C9orf153: variants seen among roughly 807,000 people sequenced by gnomAD.
C9orf153 encodes the protein uncharacterized protein C9orf153.
A neutral mutation model predicts 9.0 loss-of-function variants in C9orf153; 10 were observed. That is an observed-to-expected ratio of 1.11 (90% CI 0.69 to 1.89). The LOEUF (loss-of-function observed/expected upper bound fraction) is 1.89, where lower values mean the gene tolerates loss of function less well. Among genes scored for constraint, C9orf153 ranks in the 40% most tolerant of loss-of-function variants. C9orf153 has a pLI of 0.00. For missense variants in C9orf153, 108 were observed against 111.0 expected (o/e 0.97, Z 0.12); for synonymous variants, 35 against 37.3 (o/e 0.94, Z 0.23).
chr9:86,247,511 A>C (rs1279637303), intron 1 of C9orf153, among the ~76,000 whole-genome samples: 1 of 151,960 alleles, frequency 6.6e-6, no homozygotes, highest in African/African-American at 2.4e-5. Context: ...GCAAAAACCT[A>C]TCTCTACAAA....
intron 1 of C9orf153, among the ~76,000 whole-genome samples, chr9:86,248,676 C>G (rs918182971): frequency 6.6e-6 from 1 of 152,116 alleles, no homozygotes; most frequent in Non-Finnish European, 1.5e-5. Context: ...CCTGCTGGGC[C>G]TGGCACTCCC....
intron 3 of C9orf153, among the ~76,000 whole-genome samples, chr9:86,226,918 C>A (rs1240908520): frequency 6.6e-6 from 1 of 152,142 alleles, no homozygotes; most frequent in Non-Finnish European, 1.5e-5. Flanking sequence ...GCACCCACCA[C>A]CACGCCCAGC....
At chr9:86,235,616 G>A (rs753012253) in intron 1 of C9orf153, among the ~76,000 whole-genome samples, 16 of 151,444 alleles carry the variant, frequency 1.1e-4, no homozygotes, top group African/African-American at 1.5e-4. Flanking sequence ...TTAGCCAGGC[G>A]TGGAGGCATG....
intron 3 of C9orf153, among the ~76,000 whole-genome samples, chr9:86,222,610 C>T (rs1299879165): frequency 1.3e-5 from 2 of 152,070 alleles, no homozygotes; most frequent in Non-Finnish European, 2.9e-5. Flanking sequence ...GAGAAAGAAT[C>T]AAGCAAAGAC....
intron 2 of C9orf153, 43 bp downstream of exon 2, chr9:86,229,495 A>G: frequency 7.5e-7 from 1 of 1,330,502 alleles, no homozygotes; most frequent in Non-Finnish European, 1.1e-6. Context: ...CTTGAATGTA[A>G]AGCTCCCTGT....
intron 1 of C9orf153, among the ~76,000 whole-genome samples, chr9:86,250,653 G>A (rs1012927412): frequency 2.6e-5 from 4 of 151,972 alleles, no homozygotes; most frequent in African/African-American, 9.7e-5. Flanking sequence ...ATAATGTGTT[G>A]GACATTTTTG....
intron 1 of C9orf153, among the ~76,000 whole-genome samples, chr9:86,231,326 C>A (rs1177275753): frequency 6.6e-6 from 1 of 152,154 alleles, no homozygotes; most frequent in Non-Finnish European, 1.5e-5. Flanking sequence ...TAAAACTTCA[C>A]ATTCTTGGCT....
chr9:86,249,343 G>A lies in C9orf153; in HGVS notation c.-27+10207C>T, dbSNP rs537445907. ...TCCCTTCCAGATGTTCCTTTGGTAG[G>A]AGAATCTGGGCATCTGTTTAAGCCT... is the stretch of plus-strand genomic sequence containing the variant. On this transcript the variant is annotated intron_variant, in intron 1 of 3. Coordinates refer to ENST00000339137, the MANE Select transcript of C9orf153 (RefSeq NM_001276366.4). 3.3e-5 allele frequency among the ~76,000 whole-genome samples: 5 copies of A among 152,272 alleles called. No individual in the cohort carries two copies. In the East Asian group the frequency reaches 7.7e-4, roughly 24 times the overall value.
rs1824192076 is a variant in C9orf153, at chr9:86,221,173, T to C, written c.*515A>G. Reference sequence around the variant, plus strand: ...GTTGAATGTACCAAATACTTTATGATGATGAACTTCCTTGTGTGCTTAAAA... The same window carrying C: ...GTTGAATGTACCAAATACTTTATGACGATGAACTTCCTTGTGTGCTTAAAA... On this transcript the variant is annotated 3_prime_UTR_variant, in exon 4 of 4. Transcript: ENST00000339137. 6.6e-6 allele frequency: 1 copy of C among 152,424 alleles called. No individual in the cohort carries two copies. Among genetic ancestry groups the C allele is most frequent in the Non-Finnish European group, 1.5e-5 (1 of 68,194 alleles). 9.4% of individuals were successfully genotyped at this position (152,424 alleles called of 1,614,324 possible). A position where few individuals can be genotyped will look rare whatever the true frequency, so the allele number is the denominator to read the frequency against.
At chr9:86,238,888 A>AT (rs2131189831) in intron 1 of C9orf153, among the ~76,000 whole-genome samples, 1 of 152,170 alleles carries the variant, frequency 6.6e-6, no homozygotes, top group African/African-American at 2.4e-5. Context: ...ATGACAGGAA[A>AT]TTTTTAAAAT....
At chr9:86,225,194 G>A (rs1824295038) in intron 3 of C9orf153, among the ~76,000 whole-genome samples, 1 of 152,044 alleles carries the variant, frequency 6.6e-6, no homozygotes, top group African/African-American at 2.4e-5. Context: ...TGGAATACCA[G>A]GATCCTAAAG....
At chr9:86,234,413 A>T (rs1824536310) in intron 1 of C9orf153, among the ~76,000 whole-genome samples, 1 of 152,256 alleles carries the variant, frequency 6.6e-6, no homozygotes, top group Admixed American at 6.5e-5. Context: ...AGAGAACTCA[A>T]TTATGGTGAA....
In C9orf153 at chr9:86,228,035, G is replaced by C; in HGVS notation, c.67-5C>G. On this transcript the variant is annotated splice_polypyrimidine_tract_variant and splice_region_variant and intron_variant, in intron 2 of 3. Coordinates refer to ENST00000339137, the MANE Select transcript of C9orf153 (RefSeq NM_001276366.4). ...ACATGCATATAATTCTGGAAGCTGTGGACAAAAAAAAAAGTGGTAAGTCAC... is the reference window on the plus strand; with the variant it reads ...ACATGCATATAATTCTGGAAGCTGTCGACAAAAAAAAAAGTGGTAAGTCAC... 6.4e-7 allele frequency: 1 copy of C among 1,561,090 alleles called. No homozygotes were observed. Among genetic ancestry groups the C allele is most frequent in the Non-Finnish European group, 8.7e-7 (1 of 1,155,970 alleles).
In C9orf153 at chr9:86,227,540, T is replaced by C. The variant is rs997366083; in HGVS notation, c.242+315A>G. ...TCCCACATGGCCTCATCTGTTTAAA[T>C]TACCTGGGTCAACTAAGAAGGATCT... On this transcript the variant is annotated intron_variant, in intron 3 of 3. Coordinates refer to ENST00000339137, the MANE Select transcript of C9orf153 (RefSeq NM_001276366.4). 7 of 1,362,632 alleles carry C rather than the reference T, an allele frequency of 5.1e-6. No individual in the cohort carries two copies. In the African/African-American group the frequency reaches 1.0e-4, roughly 20 times the overall value. The allele number at this position is 1,362,632 out of a possible 1,614,324, so 84.4% of individuals were successfully genotyped here.
chr9:86,225,650 GGGGTTTCACCATGTTGTCCAGACA>G (rs1207013008), intron 3 of C9orf153, among the ~76,000 whole-genome samples: 2 of 151,936 alleles, frequency 1.3e-5, no homozygotes, highest in African/African-American at 2.4e-5. Flanking sequence ...TAGTAGAGAC[GGGGTTTCACCATGTTGTCCAGACA>G]GGGTTTCACC....
intron 2 of C9orf153, chr9:86,228,893 A>G (rs1422053297): frequency 2.6e-5 from 6 of 233,144 alleles, no homozygotes; most frequent in Non-Finnish European, 2.7e-5. Context: ...GAGGCTACAC[A>G]AGTGGTCCAG....
chr9:86,226,102 T>G (rs1322400961), intron 3 of C9orf153, among the ~76,000 whole-genome samples: 1 of 152,210 alleles, frequency 6.6e-6, no homozygotes, highest in African/African-American at 2.4e-5. Context: ...GCTTTACTTG[T>G]GTACTTTGCG....
chr9:86,256,534 CA>C (rs1335810307), intron 1 of C9orf153, among the ~76,000 whole-genome samples: 1 of 152,108 alleles, frequency 6.6e-6, no homozygotes, highest in Non-Finnish European at 1.5e-5. Context: ...CTATTAGGAA[CA>C]AAATGAGATT....
intron 3 of C9orf153, chr9:86,227,253 C>T: frequency 7.6e-7 from 1 of 1,317,960 alleles, no homozygotes; most frequent in Non-Finnish European, 9.6e-7. Context: ...CTCAAGTGAT[C>T]CTCCCACCTA....
Sources: gnomAD v4.1 joint callset for allele counts (sites outside exome capture counted in the v4.1 genomes callset) on GRCh38, gnomAD v4.1.1 for gene constraint, MANE v1.5 for transcripts, NCBI Gene and HGNC (gene_info 2026-07-23, HGNC 2026-07-21) for gene names.